Variants in LRRC37A2 observed in about 807,000 individuals in gnomAD.
The protein encoded by LRRC37A2 is leucine rich repeat containing 37 member A2, also known as leucine-rich repeat-containing protein 37A2.
A neutral mutation model predicts 68.8 loss-of-function variants in LRRC37A2; 9 were observed. The ratio of observed to expected loss-of-function variants is 0.13; its 90% CI spans 0.08 to 0.23. LRRC37A2 has a LOEUF of 0.23. Among genes scored for constraint, LRRC37A2 ranks in the 10% least tolerant of loss-of-function variants. The pLI, the probability that LRRC37A2 is intolerant of heterozygous loss-of-function variation, is 1.00. For synonymous variants in LRRC37A2, 63 were observed against 367.6 expected (o/e 0.17, Z 9.48); for missense variants, 168 against 950.4 (o/e 0.18, Z 10.82).
intron 8 of LRRC37A2, among the ~76,000 whole-genome samples, chr17:46,543,459 C>G (rs889049991): frequency 6.6e-6 from 1 of 150,894 alleles, no homozygotes; most frequent in Non-Finnish European, 1.5e-5. Context: ...ATTTTTTAAG[C>G]CATGTTATGA....
the LRRC37A2 span, among the ~76,000 whole-genome samples, chr17:46,889,474 C>T: frequency 6.6e-6 from 1 of 152,170 alleles, no homozygotes; most frequent in Non-Finnish European, 1.5e-5. Flanking sequence ...TTCATCATGG[C>T]CTTAGTGGAG....
At chr17:46,982,309 G>C in the LRRC37A2 span, among the ~76,000 whole-genome samples, 2 of 152,152 alleles carry the variant, frequency 1.3e-5, no homozygotes, top group African/African-American at 2.4e-5. Flanking sequence ...CTTGGAGTCC[G>C]TACCTTGATT....
chr17:46,750,461 G>A, the LRRC37A2 span, among the ~76,000 whole-genome samples: 1 of 152,190 alleles, frequency 6.6e-6, no homozygotes, highest in South Asian at 2.1e-4. Context: ...AATCTGAAAT[G>A]CTTCAGTGAG....
chr17:46,767,787 GT>G, the LRRC37A2 span, among the ~76,000 whole-genome samples: 24 of 151,472 alleles, frequency 1.6e-4, no homozygotes, highest in African/African-American at 5.8e-4. Flanking sequence ...TTTTTTGTTT[GT>G]TTGTTTGTTT....
the LRRC37A2 span, among the ~76,000 whole-genome samples, chr17:46,879,257 C>T: frequency 6.6e-6 from 1 of 152,144 alleles, no homozygotes; most frequent in African/African-American, 2.4e-5. Flanking sequence ...GACCGGGTCC[C>T]CCACTGAGCA....
chr17:46,976,117 C>T, the LRRC37A2 span, among the ~76,000 whole-genome samples: 6 of 151,592 alleles, frequency 4.0e-5, no homozygotes, highest in Non-Finnish European at 7.4e-5. Flanking sequence ...TAGTAGAGAC[C>T]GGGTTTCACT....
chr17:47,000,280 G>T, the LRRC37A2 span, among the ~76,000 whole-genome samples: 1 of 148,560 alleles, frequency 6.7e-6, no homozygotes, highest in Admixed American at 6.8e-5. Context: ...TGCCACCCAG[G>T]CTGGAGTGCA....
At chr17:46,784,503 C>A in the LRRC37A2 span, among the ~76,000 whole-genome samples, 8,950 of 151,780 alleles carry the variant, frequency 0.059, 1,134 homozygotes, top group East Asian at 0.51. Flanking sequence ...AGCATTGATG[C>A]CATATGCCAA....
chr17:46,537,159 C>T (rs1252794547), intron 6 of LRRC37A2, among the ~76,000 whole-genome samples: 3 of 10,238 alleles, frequency 2.9e-4, no homozygotes, highest in Admixed American at 1.6e-3. Context: ...TTTTGGATGT[C>T]TCTTTTTTTT....
At chr17:46,551,700 GCC>G (rs2056842746) in intron 11 of LRRC37A2, among the ~76,000 whole-genome samples, 1 of 145,730 alleles carries the variant, frequency 6.9e-6, no homozygotes, top group Non-Finnish European at 1.5e-5. Flanking sequence ...GATCGCTTGA[GCC>G]TGGGAGGTCG....
At chr17:46,730,691 T>G in the LRRC37A2 span, among the ~76,000 whole-genome samples, 1 of 152,186 alleles carries the variant, frequency 6.6e-6, no homozygotes, top group Middle Eastern at 3.2e-3. Flanking sequence ...TGTCTTTTCA[T>G]TTTAGTGGGC....
the LRRC37A2 span, among the ~76,000 whole-genome samples, chr17:46,498,508 C>T: frequency 3.7e-5 from 5 of 135,094 alleles, no homozygotes; most frequent in East Asian, 2.1e-4. Flanking sequence ...AGCCTTTCAG[C>T]GATTCAAGTA....
chr17:46,877,883 A>G, the LRRC37A2 span, among the ~76,000 whole-genome samples: 1 of 152,162 alleles, frequency 6.6e-6, no homozygotes, highest in Non-Finnish European at 1.5e-5. Context: ...AGCCTCCTTC[A>G]GTTCCTAATG....
chr17:47,018,813 C>T, the LRRC37A2 span: 2 of 1,521,204 alleles, frequency 1.3e-6, no homozygotes, highest in South Asian at 1.1e-5. Context: ...ACCCCTGACT[C>T]AAGCCGCAGT....
the LRRC37A2 span, chr17:47,017,269 T>C: frequency 6.2e-7 from 1 of 1,611,280 alleles, no homozygotes; most frequent in Non-Finnish European, 8.5e-7. Flanking sequence ...CCCCTCCTTA[T>C]GTGGCAACTA....
At chr17:46,863,498 T>C in the LRRC37A2 span, among the ~76,000 whole-genome samples, 1 of 152,030 alleles carries the variant, frequency 6.6e-6, no homozygotes, top group Non-Finnish European at 1.5e-5. Flanking sequence ...GATGGTACTA[T>C]ATATACAAAA....
chr17:46,737,715 G>A, the LRRC37A2 span, among the ~76,000 whole-genome samples: 1 of 151,826 alleles, frequency 6.6e-6, no homozygotes, highest in Admixed American at 6.6e-5. Context: ...TGGTTCCAGT[G>A]GAACATAAAG....
chr17:47,022,466 A>T, the LRRC37A2 span, among the ~76,000 whole-genome samples: 1 of 151,520 alleles, frequency 6.6e-6, no homozygotes, highest in African/African-American at 2.4e-5. Context: ...CACCACCCGC[A>T]GCCCATGATT....
At chr17:46,840,583 A>C in the LRRC37A2 span, among the ~76,000 whole-genome samples, 1 of 152,202 alleles carries the variant, frequency 6.6e-6, no homozygotes, top group African/African-American at 2.4e-5. Flanking sequence ...AGGAATTGCC[A>C]TACTGTCTAA....
Sources: gnomAD v4.1 joint callset for allele counts (sites outside exome capture counted in the v4.1 genomes callset) on GRCh38, gnomAD v4.1.1 for gene constraint, MANE v1.5 for transcripts, NCBI Gene and HGNC (gene_info 2026-07-23, HGNC 2026-07-21) for gene names.